Variants in MCCC2 observed in about 807,000 individuals in gnomAD.
MCCC2 encodes the protein methylcrotonyl-CoA carboxylase subunit 2, also known as methylcrotonoyl-CoA carboxylase beta chain, mitochondrial.
In MCCC2, 52 loss-of-function variants were observed where a neutral mutation model predicts 77.2. The observed-to-expected ratio is 0.67, with a 90% confidence interval of 0.54 to 0.85. The LOEUF (loss-of-function observed/expected upper bound fraction) is 0.85. MCCC2 is among the 40% of genes least tolerant of loss of function. The pLI, the probability that MCCC2 is intolerant of heterozygous loss-of-function variation, is 0.00. For missense variants in MCCC2, 682 were observed against 703.2 expected, an observed-to-expected ratio of 0.97 and a Z score of 0.34; for synonymous variants, 253 against 248.4, an observed-to-expected ratio of 1.02 and a Z score of -0.18.
chr5:71,597,333 T>G (rs1745228314), intron 3 of MCCC2, among the ~76,000 whole-genome samples: 1 of 152,248 alleles, frequency 6.6e-6, no homozygotes, highest in Admixed American at 6.5e-5. Context: ...TCATAAAGGT[T>G]TTGGTTTTCA....
rs1378669248 is a variant in MCCC2, at chr5:71,615,471, ATTTAGCCAGATCTCATTACC to A, written c.624+11005_624+11024del. Among the ~76,000 whole-genome samples the A allele has an allele frequency of 4.8e-4, 73 of 151,982 alleles. 1 individual carries two copies. The highest frequency in any genetic ancestry group is 1.7e-3 in the African/African-American group (72 of 41,462). On this transcript the variant is annotated intron_variant, in intron 6 of 16. Coordinates refer to ENST00000340941, the MANE Select transcript of MCCC2 (RefSeq NM_022132.5). ...CCTTATTTATTTATTTATTTTAACGATTTAGCCAGATCTCATTACCTGTCATCTCCCTGATCTTTATCTAG... is the reference window on the plus strand; with the variant it reads ...CCTTATTTATTTATTTATTTTAACGATGTCATCTCCCTGATCTTTATCTAG...
chr5:71,634,813 G>A (rs1000582029), intron 8 of MCCC2, 130 bp from the exon 9 acceptor site: 5 of 785,836 alleles, frequency 6.4e-6, no homozygotes, highest in Non-Finnish European at 1.1e-5. Context: ...TATTAAAGAT[G>A]ACAAATTTTT....
chr5:71,627,874 C>A (rs1561838880), intron 7 of MCCC2, among the ~76,000 whole-genome samples: 1 of 151,714 alleles, frequency 6.6e-6, no homozygotes, highest in Non-Finnish European at 1.5e-5. Flanking sequence ...GGCAGAGTCT[C>A]ACACTGTTGC....
intron 7 of MCCC2, among the ~76,000 whole-genome samples, chr5:71,631,884 T>C (rs1246211948): frequency 2.0e-5 from 3 of 152,048 alleles, no homozygotes; most frequent in Non-Finnish European, 4.4e-5. Context: ...GAGACTCCAT[T>C]GCTTGCTATG....
At chr5:71,595,344 A>G (rs914164176) in intron 2 of MCCC2, among the ~76,000 whole-genome samples, 38 of 148,472 alleles carry the variant, frequency 2.6e-4, no homozygotes, top group Admixed American at 2.5e-3. Flanking sequence ...TGAGAGGATC[A>G]CTTGAATTTA....
chr5:71,646,619 T>C (rs1747281725), intron 13 of MCCC2, among the ~76,000 whole-genome samples: 1 of 152,136 alleles, frequency 6.6e-6, no homozygotes, highest in Admixed American at 6.5e-5. Context: ...GCCCGCCTTG[T>C]TCTCCCAAAG....
At chr5:71,622,423 A>T (rs1212487821) in intron 6 of MCCC2, among the ~76,000 whole-genome samples, 1 of 152,194 alleles carries the variant, frequency 6.6e-6, no homozygotes, top group Non-Finnish European at 1.5e-5. Flanking sequence ...TCATTAAAAA[A>T]ATTTTTTTAC....
chr5:71,613,427 T>TA (rs1313794142), intron 6 of MCCC2, among the ~76,000 whole-genome samples: 3 of 152,264 alleles, frequency 2.0e-5, no homozygotes, highest in African/African-American at 2.4e-5. Flanking sequence ...CTGCTTATGA[T>TA]AAAAAACTCA....
chr5:71,600,968 C>T (rs1745404290), intron 4 of MCCC2, among the ~76,000 whole-genome samples: 1 of 152,222 alleles, frequency 6.6e-6, no homozygotes, highest in Non-Finnish European at 1.5e-5. Flanking sequence ...ATTGCCGAGC[C>T]TCAGTGGGAA....
At position 71,587,425 on chromosome 5, in the gene MCCC2, C is replaced by T; in HGVS notation, c.-1C>T. ...CGCTCTCTCGCTCGGTGCCCGCCGC[C>T]ATGTGGGCCGTCCTGAGGTTAGCCC... is the stretch of plus-strand genomic sequence containing the variant. On this transcript the variant is annotated 5_prime_UTR_variant, in exon 1 of 17. Coordinates refer to ENST00000340941, the MANE Select transcript of MCCC2 (RefSeq NM_022132.5). 1.3e-6 allele frequency: 2 copies of T among 1,534,318 alleles called. No homozygotes were observed. Among genetic ancestry groups the T allele is most frequent in the East Asian group, 4.9e-5 (2 of 40,924 alleles).
rs1439938160 is a variant in MCCC2 at position 71,656,795 on chromosome 5, C to A, written c.1627C>A (p.Leu543Ile). The stretch of plus-strand genomic sequence containing the variant: ...AGCAGACACCAGACTGGTCTTGGGT[C>A]TCAGTTTTAGTGCAGCCCTCAACGC... ...DPADTRLVLGLSFSAALNAPI... is the reference protein window; with the variant it reads ...DPADTRLVLGISFSAALNAPI... Residue 543 changes from leucine (L) to isoleucine (I), a missense_variant, in exon 17 of 17, where the codon CTC becomes ATC. By Grantham distance (5) the Leu-to-Ile change is conservative. Coordinates refer to ENST00000340941, the MANE Select transcript of MCCC2 (RefSeq NM_022132.5). 1.9e-6 allele frequency: 3 copies of A among 1,613,980 alleles called. No individual in the cohort carries two copies. In the African/African-American group the frequency reaches 4.0e-5, roughly 22 times the overall value.
chr5:71,599,508 T>A, intron 3 of MCCC2, 151 bp from the exon 4 acceptor site: 1 of 658,660 alleles, frequency 1.5e-6, no homozygotes, highest in South Asian at 1.7e-5. Context: ...ACCACACCCA[T>A]TTTAGATTTT....
intron 7 of MCCC2, among the ~76,000 whole-genome samples, chr5:71,627,403 A>G (rs972361099): frequency 2.0e-5 from 3 of 152,148 alleles, no homozygotes; most frequent in African/African-American, 7.2e-5. Flanking sequence ...TTACTTTTTG[A>G]GGAATCACTT....
intron 7 of MCCC2, among the ~76,000 whole-genome samples, chr5:71,631,538 C>CTTT (rs544704315): frequency 1.3e-4 from 17 of 128,316 alleles, no homozygotes; most frequent in South Asian, 2.5e-4. Context: ...GGTCTTTCTT[C>CTTT]TTTTTTTTTT....
intron 10 of MCCC2, 72 bp downstream of exon 10, chr5:71,635,318 C>A: frequency 7.3e-7 from 1 of 1,361,450 alleles, no homozygotes; most frequent in Non-Finnish European, 1.1e-6. Flanking sequence ...ATTTGCAAAG[C>A]TAAAGTTTGT....
chr5:71,652,389 A>G (rs889518631), intron 15 of MCCC2, among the ~76,000 whole-genome samples: 1 of 152,282 alleles, frequency 6.6e-6, no homozygotes, highest in African/African-American at 2.4e-5. Flanking sequence ...ATTCACATCT[A>G]TTATTGTACC....
At position 71,643,589 on chromosome 5, in the gene MCCC2, A is replaced by G. The variant is rs569365637; in HGVS notation, c.1073-230A>G. Among the ~76,000 whole-genome samples the G allele has an allele frequency of 3.5e-3, 526 of 152,340 alleles. 2 individuals carry two copies. The highest frequency in any genetic ancestry group is 4.2e-3 in the Non-Finnish European group (283 of 68,022). Reference sequence around the variant, plus strand: ...TATTTAATCAAATCAATCAAGACAAATGGATAACTCTACATGTATCGTGAC... The same window carrying G: ...TATTTAATCAAATCAATCAAGACAAGTGGATAACTCTACATGTATCGTGAC... On this transcript the variant is annotated intron_variant, in intron 11 of 16. Transcript: ENST00000340941.
chr5:71,656,791 G>T lies in MCCC2; in HGVS notation c.1623G>T (p.Leu541Phe), dbSNP rs753443203. Residue 541 changes from leucine to phenylalanine, a missense_variant, in exon 17 of 17, where the codon TTG (leucine) becomes TTT (phenylalanine). By Grantham distance (22) the Leu-to-Phe change is conservative. Coordinates refer to ENST00000340941, the MANE Select transcript of MCCC2 (RefSeq NM_022132.5). ...IIDPADTRLV[L>F]GLSFSAALNA... is the part of the protein sequence containing the mutation. ...ATCCAGCAGACACCAGACTGGTCTTGGGTCTCAGTTTTAGTGCAGCCCTCA... is the reference window on the plus strand; with the variant it reads ...ATCCAGCAGACACCAGACTGGTCTTTGGTCTCAGTTTTAGTGCAGCCCTCA... 1 of 1,614,142 alleles carries T rather than the reference G, an allele frequency of 6.2e-7. No individual in the cohort carries two copies. Among genetic ancestry groups the T allele is most frequent in the Admixed American group, 1.7e-5 (1 of 60,030 alleles).
At chr5:71,605,426 G>T in intron 6 of MCCC2, among the ~76,000 whole-genome samples, 1 of 152,146 alleles carries the variant, frequency 6.6e-6, no homozygotes, top group African/African-American at 2.4e-5. Flanking sequence ...TTTTGATGGG[G>T]TTGTTTGTTT....
Sources: gnomAD v4.1 joint callset for allele counts (sites outside exome capture counted in the v4.1 genomes callset) on GRCh38, gnomAD v4.1.1 for gene constraint, MANE v1.5 for transcripts, NCBI Gene and HGNC (gene_info 2026-07-23, HGNC 2026-07-21) for gene names.